Variants in FAM81A observed in about 807,000 individuals in gnomAD.
The protein encoded by FAM81A is family with sequence similarity 81 member A, also known as protein FAM81A.
Under a neutral mutation model 46.7 loss-of-function variants are expected in FAM81A, and 19 were observed. The observed-to-expected ratio is 0.41, with a 90% CI of 0.28 to 0.60. The LOEUF (loss-of-function observed/expected upper bound fraction) is 0.60. FAM81A is among the 20% of genes least tolerant of loss of function. The pLI is 0.34. For synonymous variants in FAM81A, 183 were observed against 152.9 expected, an observed-to-expected ratio of 1.20 and a Z score of -1.45; for missense variants, 377 against 453.5, an observed-to-expected ratio of 0.83 and a Z score of 1.53.
intron 3 of FAM81A, among the ~76,000 whole-genome samples, chr15:59,491,094 G>A (rs1226190046): frequency 6.6e-6 from 1 of 152,130 alleles, no homozygotes. Context: ...ATCAGTATAT[G>A]GAAGAGATAT....
intron 8 of FAM81A, among the ~76,000 whole-genome samples, chr15:59,520,784 G>A (rs1332323779): frequency 6.6e-6 from 1 of 152,124 alleles, no homozygotes; most frequent in Non-Finnish European, 1.5e-5. Flanking sequence ...AGGCTGGCTC[G>A]AACTCCTGAC....
chr15:59,500,380 C>G (rs560089718), intron 4 of FAM81A, among the ~76,000 whole-genome samples: 2 of 152,226 alleles, frequency 1.3e-5, no homozygotes, highest in East Asian at 3.9e-4. Flanking sequence ...TCATTGTAAT[C>G]TCAAACTGCT....
chr15:59,473,231 A>C (rs1271323361), intron 3 of FAM81A, among the ~76,000 whole-genome samples: 2 of 152,236 alleles, frequency 1.3e-5, no homozygotes, highest in African/African-American at 4.8e-5. Context: ...ATCTGGAAAT[A>C]TTAAATGGAA....
intron 2 of FAM81A, among the ~76,000 whole-genome samples, chr15:59,403,365 G>C (rs1444980888): frequency 6.6e-6 from 1 of 152,138 alleles, no homozygotes; most frequent in Non-Finnish European, 1.5e-5. Flanking sequence ...CTTAAAAGAA[G>C]AGAGAGACAT....
intron 2 of FAM81A, among the ~76,000 whole-genome samples, chr15:59,426,924 A>T (rs1490263606): frequency 1.3e-5 from 2 of 152,218 alleles, no homozygotes. Flanking sequence ...CTTAGCATTA[A>T]GCATTGCCTT....
intron 2 of FAM81A, among the ~76,000 whole-genome samples, chr15:59,430,453 A>T (rs1218949478): frequency 6.6e-6 from 1 of 151,704 alleles, no homozygotes; most frequent in African/African-American, 2.4e-5. Flanking sequence ...TTTAGTAGAG[A>T]TGGGGTTTCA....
At chr15:59,442,924 C>T (rs1319314935) in intron 1 of FAM81A, among the ~76,000 whole-genome samples, 2 of 152,066 alleles carry the variant, frequency 1.3e-5, no homozygotes, top group Admixed American at 6.5e-5. Flanking sequence ...CCTAAATACT[C>T]GTGTATATTT....
intron 4 of FAM81A, among the ~76,000 whole-genome samples, chr15:59,499,782 A>G (rs777308955): frequency 1.3e-5 from 2 of 150,766 alleles, no homozygotes; most frequent in Non-Finnish European, 3.0e-5. Context: ...AGCTATTAAT[A>G]TTATTCTAGT....
At chr15:59,429,320 C>G (rs2081209573) in intron 2 of FAM81A, among the ~76,000 whole-genome samples, 1 of 152,116 alleles carries the variant, frequency 6.6e-6, no homozygotes, top group African/African-American at 2.4e-5. Flanking sequence ...TAGTTCTGTT[C>G]AATCTAGATA....
intron 3 of FAM81A, among the ~76,000 whole-genome samples, chr15:59,466,228 G>C (rs1303277319): frequency 6.6e-6 from 1 of 152,128 alleles, no homozygotes; most frequent in Non-Finnish European, 1.5e-5. Context: ...CCCAGTAATG[G>C]GATTGCTGGG....
chr15:59,448,940 C>T lies in FAM81A; in HGVS notation c.-77-9610C>T, dbSNP rs534386212. On this transcript the variant is annotated intron_variant, in intron 1 of 8. Transcript: ENST00000288228. Reference sequence around the variant, plus strand: ...TCAGCCTCTAAAAATGTTGGGATTACAGACATGTAATCCATCATGCCTGGC... The same window carrying T: ...TCAGCCTCTAAAAATGTTGGGATTATAGACATGTAATCCATCATGCCTGGC... Among the ~76,000 whole-genome samples, 3 of 152,332 alleles carry T rather than the reference C, an allele frequency of 2.0e-5. No individual in the cohort carries two copies. In the East Asian group the frequency reaches 5.8e-4, roughly 29 times the overall value.
At chr15:59,426,572 A>G (rs143171021) in intron 2 of FAM81A, among the ~76,000 whole-genome samples, 1,545 of 152,374 alleles carry the variant, frequency 0.01, 11 homozygotes, top group Non-Finnish European at 0.018. Context: ...AGATTGCGCC[A>G]CTGTACTCCA....
chr15:59,423,223 T>G (rs907516782), intron 2 of FAM81A, among the ~76,000 whole-genome samples: 1 of 152,120 alleles, frequency 6.6e-6, no homozygotes, highest in African/African-American at 2.4e-5. Context: ...TCAGCCTCCC[T>G]AGCAGCTTGG....
At chr15:59,419,350 G>A (rs538647160) in intron 2 of FAM81A, among the ~76,000 whole-genome samples, 1 of 152,228 alleles carries the variant, frequency 6.6e-6, no homozygotes, top group South Asian at 2.1e-4. Context: ...TCACTTTTGT[G>A]CCTTTGAACT....
intron 2 of FAM81A, among the ~76,000 whole-genome samples, chr15:59,426,418 C>T (rs556521262): frequency 6.6e-6 from 1 of 152,256 alleles, no homozygotes; most frequent in East Asian, 1.9e-4. Flanking sequence ...CCAGCCTGAC[C>T]AACATGAAGA....
chr15:59,434,722 C>T (rs2081235523), upstream of FAM81A, among the ~76,000 whole-genome samples: 1 of 152,214 alleles, frequency 6.6e-6, no homozygotes, highest in African/African-American at 2.4e-5. Flanking sequence ...GTGTAACACT[C>T]CTCCCAATGG....
In FAM81A at chr15:59,507,150, G is replaced by A. The variant is rs1033717805; in HGVS notation, c.414-63G>A. The A allele has an allele frequency of 5.4e-5, 84 of 1,549,196 alleles. No individual in the cohort carries two copies. The African/African-American group carries it at 1.1e-3, about 20-fold the overall frequency. On this transcript the variant is annotated intron_variant, in intron 4 of 8. Coordinates refer to ENST00000288228, the MANE Select transcript of FAM81A (RefSeq NM_152450.3). ...GGGTTTTGCATTTCAGAGTGTATAA[G>A]GAAGCTTTTGCGCATTGTTTTTAAA... is the stretch of plus-strand genomic sequence containing the variant.
intron 2 of FAM81A, among the ~76,000 whole-genome samples, chr15:59,427,854 C>G (rs1441844087): frequency 6.6e-6 from 1 of 152,188 alleles, no homozygotes; most frequent in African/African-American, 2.4e-5. Flanking sequence ...GTGAATAGTG[C>G]TGTGATAAAC....
rs947740451 is a variant in FAM81A, at chr15:59,474,732, G to T, written c.294+14526G>T. ...AAAAAGGACTAGAAGAGACTATGAG[G>T]TTATCAATGCAAAGAACATCCTTTT... On this transcript the variant is annotated intron_variant, in intron 3 of 8. Coordinates refer to ENST00000288228, the MANE Select transcript of FAM81A (RefSeq NM_152450.3). Among the ~76,000 whole-genome samples the T allele has an allele frequency of 2.0e-5, 3 of 152,170 alleles. No individual in the cohort carries two copies. The South Asian group carries it at 6.2e-4, about 31-fold the overall frequency.
Sources: gnomAD v4.1 joint callset for allele counts (sites outside exome capture counted in the v4.1 genomes callset) on GRCh38, gnomAD v4.1.1 for gene constraint, MANE v1.5 for transcripts, NCBI Gene and HGNC (gene_info 2026-07-23, HGNC 2026-07-21) for gene names.